The following PDE7B variants were observed in gnomAD, a reference collection of about 807,000 sequenced individuals.
PDE7B encodes 3',5'-cyclic-AMP phosphodiesterase 7B.
A neutral mutation model predicts 56.2 loss-of-function variants in PDE7B; 29 were observed. The ratio of observed to expected loss-of-function variants is 0.52; its 90% CI spans 0.38 to 0.70. The LOEUF (loss-of-function observed/expected upper bound fraction) is 0.70. PDE7B is among the 30% of genes least tolerant of loss of function. The pLI, the probability that PDE7B is intolerant of heterozygous loss-of-function variation, is 0.00. For synonymous variants in PDE7B, 197 were observed against 196.9 expected (o/e 1.00, Z 0.00); for missense variants, 490 against 565.0 (o/e 0.87, Z 1.35).
At chr6:135,990,115 A>C (rs1289133625) in intron 2 of PDE7B, among the ~76,000 whole-genome samples, 1 of 114,140 alleles carries the variant, frequency 8.8e-6, no homozygotes, top group Non-Finnish European at 1.9e-5. Flanking sequence ...TTTTTTTTTG[A>C]GACAGAGTCT....
intron 2 of PDE7B, among the ~76,000 whole-genome samples, chr6:136,099,757 T>C (rs2128217025): frequency 6.6e-6 from 1 of 152,362 alleles, no homozygotes; most frequent in East Asian, 1.9e-4. Context: ...TCTTTTGCTG[T>C]GCAGAAGCTC....
chr6:136,123,813 G>A (rs914890498), intron 3 of PDE7B, among the ~76,000 whole-genome samples: 1 of 152,124 alleles, frequency 6.6e-6, no homozygotes, highest in African/African-American at 2.4e-5. Context: ...ATTTCCATTT[G>A]CTGAACCAAT....
At chr6:136,171,856 C>T (rs1336951995) in intron 8 of PDE7B, among the ~76,000 whole-genome samples, 2 of 142,520 alleles carry the variant, frequency 1.4e-5, no homozygotes, top group African/African-American at 2.6e-5. Flanking sequence ...TCTCATTGTT[C>T]AATTCCCACC....
chr6:136,167,353 G>A (rs1034399730), intron 8 of PDE7B, among the ~76,000 whole-genome samples: 3 of 152,064 alleles, frequency 2.0e-5, no homozygotes, highest in Non-Finnish European at 4.4e-5. Context: ...CTGTGTCATG[G>A]GGGGGAACAG....
intron 2 of PDE7B, among the ~76,000 whole-genome samples, chr6:135,984,950 CA>C (rs911811852): frequency 3.0e-4 from 45 of 151,506 alleles, no homozygotes; most frequent in African/African-American, 1.1e-3. Flanking sequence ...CAGAAACAAA[CA>C]AAAAAAATGC....
intron 1 of PDE7B, among the ~76,000 whole-genome samples, chr6:135,901,231 G>A (rs1775994261): frequency 6.6e-6 from 1 of 151,980 alleles, no homozygotes; most frequent in South Asian, 2.1e-4. Flanking sequence ...CTTCTCCTAT[G>A]GATTTAAATT....
chr6:136,169,396 T>C (rs117762785), intron 8 of PDE7B, among the ~76,000 whole-genome samples: 1 of 152,298 alleles, frequency 6.6e-6, no homozygotes, highest in East Asian at 1.9e-4. Flanking sequence ...CCCAATTTTC[T>C]AGCATTTCCC....
intron 2 of PDE7B, chr6:136,038,041 T>A (rs1184450387): frequency 7.5e-7 from 1 of 1,329,964 alleles, no homozygotes; most frequent in East Asian, 4.7e-5. Context: ...CCTAGGGAAG[T>A]GAATCGCTCT....
intron 8 of PDE7B, among the ~76,000 whole-genome samples, chr6:136,164,866 T>G (rs1778767717): frequency 6.6e-6 from 1 of 152,210 alleles, no homozygotes. Context: ...GTGGATTTTT[T>G]TCAATGGGTG....
At chr6:135,939,491 G>C (rs1341044461) in intron 1 of PDE7B, among the ~76,000 whole-genome samples, 2 of 152,168 alleles carry the variant, frequency 1.3e-5, no homozygotes, top group Non-Finnish European at 2.9e-5. Flanking sequence ...AGCTTAAAAA[G>C]GAAAACATGA....
At chr6:135,932,827 C>G (rs1774317807) in intron 1 of PDE7B, among the ~76,000 whole-genome samples, 1 of 152,152 alleles carries the variant, frequency 6.6e-6, no homozygotes, top group Admixed American at 6.5e-5. Flanking sequence ...GCTTGTAGGA[C>G]AAAGGGAAGA....
intron 1 of PDE7B, among the ~76,000 whole-genome samples, chr6:135,932,312 G>A (rs1334161980): frequency 6.6e-6 from 1 of 152,010 alleles, no homozygotes; most frequent in East Asian, 1.9e-4. Context: ...AGTGTAATTG[G>A]ATTGTTTGCA....
intron 10 of PDE7B, 27 bp from the exon 11 acceptor site, chr6:136,181,200 A>G: frequency 6.4e-7 from 1 of 1,566,284 alleles, no homozygotes; most frequent in Non-Finnish European, 8.8e-7. Flanking sequence ...TCCTCTCACA[A>G]TTTCTCCCCG....
At chr6:136,166,424 A>C (rs1778793784) in intron 8 of PDE7B, 1 of 152,978 alleles carries the variant, frequency 6.5e-6, no homozygotes, top group Non-Finnish European at 1.5e-5. Flanking sequence ...AAAGAGGTTT[A>C]ATTGGCTTAT....
At chr6:135,907,786 A>G (rs1324048067) in intron 1 of PDE7B, among the ~76,000 whole-genome samples, 1 of 152,182 alleles carries the variant, frequency 6.6e-6, no homozygotes, top group Non-Finnish European at 1.5e-5. Flanking sequence ...ACAGTTTTGA[A>G]AAACTTTGAA....
chr6:136,130,107 A>G lies in PDE7B; in HGVS notation c.167-17244A>G, dbSNP rs536997806. 1.1e-4 allele frequency among the ~76,000 whole-genome samples: 16 copies of G among 151,816 alleles called. No individual in the cohort carries two copies. The South Asian group carries it at 3.3e-3, about 32-fold the overall frequency. The stretch of plus-strand genomic sequence containing the variant: ...AAGAATAAAAACATTTTTCTGACCG[A>G]CCACTCCATCCCTGCCATGATGCTT... On this transcript the variant is annotated intron_variant, in intron 3 of 12. Coordinates refer to ENST00000308191, the MANE Select transcript of PDE7B (RefSeq NM_018945.4).
intron 1 of PDE7B, among the ~76,000 whole-genome samples, chr6:135,940,442 G>T (rs1431344590): frequency 1.3e-5 from 2 of 152,172 alleles, no homozygotes; most frequent in Non-Finnish European, 2.9e-5. Flanking sequence ...TACACTGTTA[G>T]CACAGAGTAG....
At chr6:136,190,851 CTG>C (rs1779210658) in intron 12 of PDE7B, among the ~76,000 whole-genome samples, 1 of 151,926 alleles carries the variant, frequency 6.6e-6, no homozygotes, top group South Asian at 2.1e-4. Flanking sequence ...TTTAACATAA[CTG>C]AAAGCAAGAC....
intron 2 of PDE7B, among the ~76,000 whole-genome samples, chr6:136,008,588 G>T (rs139158327): frequency 0.017 from 2,523 of 152,196 alleles, 38 homozygotes; most frequent in Non-Finnish European, 0.022. Flanking sequence ...TGGCCAGTGA[G>T]GATGAGCATT....
Sources: gnomAD v4.1 joint callset for allele counts (sites outside exome capture counted in the v4.1 genomes callset) on GRCh38, gnomAD v4.1.1 for gene constraint, MANE v1.5 for transcripts, NCBI Gene and HGNC (gene_info 2026-07-23, HGNC 2026-07-21) for gene names.